Variants in PDSS1 observed in about 807,000 individuals in gnomAD.
PDSS1 encodes the protein all trans-polyprenyl-diphosphate synthase PDSS1.
A neutral mutation model predicts 57.5 loss-of-function variants in PDSS1; 43 were observed. The ratio of observed to expected loss-of-function variants is 0.75; its 90% CI spans 0.59 to 0.96. The LOEUF is 0.96. Ranked by LOEUF, PDSS1 falls within the 50% of genes least tolerant of loss-of-function variation. The probability of loss-of-function intolerance (pLI) is 0.00; values close to 1 mark genes in which losing one functional copy is unlikely to be tolerated. For missense variants in PDSS1, 438 were observed against 527.8 expected (o/e 0.83, Z 1.67); for synonymous variants, 175 against 191.3 (o/e 0.91, Z 0.70).
At chr10:26,728,843 A>C (rs964175304) in intron 8 of PDSS1, among the ~76,000 whole-genome samples, 1 of 142,362 alleles carries the variant, frequency 7.0e-6, no homozygotes, top group Non-Finnish European at 1.5e-5. Flanking sequence ...CAGTGGTGCA[A>C]TCTCAGCTCA....
At chr10:26,703,508 A>G (rs1835108566) in intron 2 of PDSS1, among the ~76,000 whole-genome samples, 2 of 152,062 alleles carry the variant, frequency 1.3e-5, no homozygotes, top group Admixed American at 6.5e-5. Context: ...AAGAAGTTTT[A>G]CTCTTCCATT....
At chr10:26,734,853 G>C in intron 8 of PDSS1, 1 of 435,738 alleles carries the variant, frequency 2.3e-6, no homozygotes, top group Non-Finnish European at 4.5e-6. Flanking sequence ...AATCGGGCTA[G>C]CTTGCCGAGT....
intron 10 of PDSS1, among the ~76,000 whole-genome samples, chr10:26,738,603 T>C (rs1836481034): frequency 6.6e-6 from 1 of 152,206 alleles, no homozygotes; most frequent in East Asian, 1.9e-4. Flanking sequence ...CTGTAATCCT[T>C]TCCCTTTGGT....
chr10:26,741,501 A>T (rs776235449), intron 10 of PDSS1, among the ~76,000 whole-genome samples: 7 of 151,890 alleles, frequency 4.6e-5, no homozygotes, highest in African/African-American at 7.3e-5. Context: ...GGGGGGAAAA[A>T]CAACAAAAAA....
chr10:26,740,379 C>T (rs558923381), intron 10 of PDSS1, among the ~76,000 whole-genome samples: 15 of 152,212 alleles, frequency 9.9e-5, no homozygotes, highest in African/African-American at 3.6e-4. Context: ...TTTCTAGTAG[C>T]TTGTTTTCTT....
chr10:26,721,954 G>T (rs1281642176), intron 6 of PDSS1, among the ~76,000 whole-genome samples: 1 of 152,134 alleles, frequency 6.6e-6, no homozygotes, highest in Non-Finnish European at 1.5e-5. Context: ...CTATGTTACC[G>T]GTACAAAACC....
intron 11 of PDSS1, among the ~76,000 whole-genome samples, chr10:26,742,889 T>C (rs1381280982): frequency 6.6e-6 from 1 of 152,208 alleles, no homozygotes; most frequent in East Asian, 1.9e-4. Flanking sequence ...GGAACCAGCC[T>C]TCCCTGTGTC....
At chr10:26,702,257 T>C (rs1424339418) in intron 2 of PDSS1, 63 bp downstream of exon 2, 2 of 409,976 alleles carry the variant, frequency 4.9e-6, no homozygotes, top group South Asian at 1.8e-5. Flanking sequence ...TTGGGGACTG[T>C]TCGGAAGGAA....
intron 10 of PDSS1, among the ~76,000 whole-genome samples, chr10:26,742,154 G>A (rs1836639279): frequency 6.6e-6 from 1 of 152,238 alleles, no homozygotes; most frequent in South Asian, 2.1e-4. Flanking sequence ...TGGGATTACA[G>A]GCGTGTGCCA....
At chr10:26,705,662 CG>C (rs796965698) in intron 4 of PDSS1, among the ~76,000 whole-genome samples, 14 of 152,052 alleles carry the variant, frequency 9.2e-5, no homozygotes, top group African/African-American at 3.4e-4. Context: ...TTAGTGAAGA[CG>C]GGGTTTTGCT....
intron 5 of PDSS1, among the ~76,000 whole-genome samples, chr10:26,710,100 G>A: frequency 6.8e-6 from 1 of 147,112 alleles, no homozygotes; most frequent in East Asian, 2.0e-4. Context: ...GTTGCAGTGA[G>A]CTGAGATCAC....
chr10:26,707,807 G>A (rs986683934), intron 4 of PDSS1, among the ~76,000 whole-genome samples: 7 of 152,230 alleles, frequency 4.6e-5, no homozygotes, highest in Admixed American at 3.3e-4. Context: ...CGGCCATGAC[G>A]GTCTCAGGCT....
chr10:26,709,505 G>A, intron 4 of PDSS1, 133 bp from the exon 5 acceptor site: 1 of 870,594 alleles, frequency 1.1e-6, no homozygotes, highest in East Asian at 2.5e-5. Flanking sequence ...AGGTTACAAT[G>A]AGCTGAGATC....
chr10:26,737,786 A>AG (rs1408647270), intron 10 of PDSS1, among the ~76,000 whole-genome samples: 1 of 151,818 alleles, frequency 6.6e-6, no homozygotes, highest in African/African-American at 2.4e-5. Flanking sequence ...AGGAAAAAAA[A>AG]AGATTACTGT....
intron 10 of PDSS1, among the ~76,000 whole-genome samples, chr10:26,742,157 G>A (rs747851572): frequency 1.3e-5 from 2 of 152,200 alleles, no homozygotes; most frequent in African/African-American, 2.4e-5. Context: ...GATTACAGGC[G>A]TGTGCCACCA....
At chr10:26,719,262 T>A (rs1482108893) in intron 5 of PDSS1, among the ~76,000 whole-genome samples, 2 of 152,206 alleles carry the variant, frequency 1.3e-5, no homozygotes, top group Non-Finnish European at 2.9e-5. Context: ...ATGATGGTGG[T>A]AATAATGATT....
At chr10:26,699,318 A>G (rs1293566142) in intron 1 of PDSS1, among the ~76,000 whole-genome samples, 1 of 151,906 alleles carries the variant, frequency 6.6e-6, no homozygotes, top group South Asian at 2.1e-4. Flanking sequence ...AGATATTTCT[A>G]GTTCCACAGA....
chr10:26,702,332 G>A (rs1835078097), intron 2 of PDSS1, 138 bp downstream of exon 2: 2 of 319,082 alleles, frequency 6.3e-6, no homozygotes, highest in African/African-American at 2.2e-5. Flanking sequence ...GATATGGTTG[G>A]TTCTGTGTCT....
intron 4 of PDSS1, among the ~76,000 whole-genome samples, chr10:26,707,250 T>C (rs1409697463): frequency 6.6e-6 from 1 of 152,138 alleles, no homozygotes; most frequent in East Asian, 1.9e-4. Context: ...AGCTCTGCCA[T>C]TTTGCCTCTT....
Sources: gnomAD v4.1 joint callset for allele counts (sites outside exome capture counted in the v4.1 genomes callset) on GRCh38, gnomAD v4.1.1 for gene constraint, MANE v1.5 for transcripts, NCBI Gene and HGNC (gene_info 2026-07-23, HGNC 2026-07-21) for gene names.